The following CTNNA2 variants were observed in gnomAD, a reference collection of about 807,000 sequenced individuals.
The protein encoded by CTNNA2 is catenin alpha-2.
CTNNA2 carries 42 observed loss-of-function variants against 101.0 expected under a neutral mutation model. The observed-to-expected ratio is 0.42, with a 90% CI of 0.32 to 0.54. The LOEUF (loss-of-function observed/expected upper bound fraction) is 0.54, where lower values mean the gene tolerates loss of function less well. Among genes scored for constraint, CTNNA2 ranks in the 20% least tolerant of loss-of-function variants. The pLI, the probability that CTNNA2 is intolerant of heterozygous loss-of-function variation, is 0.14. For missense variants in CTNNA2, 871 were observed against 1,223.1 expected, an observed-to-expected ratio of 0.71 and a Z score of 4.29; for synonymous variants, 450 against 456.4, an observed-to-expected ratio of 0.99 and a Z score of 0.18.
rs564797004 is a variant in CTNNA2 at position 79,442,663 on chromosome 2, A to G, written c.-134-62391A>G. ...AGGCAAATATATAATAAAATCACCA[A>G]TTCCTTTCTTTTTTACCCTGATTAT... On this transcript the variant is annotated intron_variant, in intron 4 of 21. Transcript: ENST00000466387. 5.3e-4 allele frequency among the ~76,000 whole-genome samples: 80 copies of G among 152,276 alleles called. No individual in the cohort carries two copies. In the South Asian group the frequency reaches 0.013, roughly 24 times the overall value.
intron 7 of CTNNA2, among the ~76,000 whole-genome samples, chr2:80,061,297 G>A (rs1226191135): frequency 6.6e-6 from 1 of 152,062 alleles, no homozygotes; most frequent in African/African-American, 2.4e-5. Flanking sequence ...GATTATATAA[G>A]AATATAATGA....
chr2:80,110,628 A>T (rs1266305940), intron 7 of CTNNA2, among the ~76,000 whole-genome samples: 1 of 152,254 alleles, frequency 6.6e-6, no homozygotes, highest in African/African-American at 2.4e-5. Context: ...TAGGTGAGAG[A>T]AAAAATACTG....
intron 2 of CTNNA2, among the ~76,000 whole-genome samples, chr2:79,263,014 A>G (rs369264262): frequency 5.9e-5 from 9 of 152,202 alleles, no homozygotes; most frequent in African/African-American, 2.2e-4. Context: ...TTACATTTTT[A>G]AAAATTAAAA....
intron 2 of CTNNA2, among the ~76,000 whole-genome samples, chr2:79,305,335 C>CATAT (rs1404069501): frequency 2.1e-5 from 3 of 145,084 alleles, no homozygotes; most frequent in East Asian, 4.0e-4. Context: ...TACATATATA[C>CATAT]ATATATACAT....
At chr2:80,393,888 A>C (rs1417125923) in intron 8 of CTNNA2, among the ~76,000 whole-genome samples, 2 of 152,306 alleles carry the variant, frequency 1.3e-5, no homozygotes, top group Non-Finnish European at 2.9e-5. Flanking sequence ...TCTCCTTGAA[A>C]GTGTTGTATG....
intron 2 of CTNNA2, among the ~76,000 whole-genome samples, chr2:79,719,788 A>G (rs1215470625): frequency 6.6e-6 from 1 of 152,134 alleles, no homozygotes; most frequent in African/African-American, 2.4e-5. Flanking sequence ...TATTCTGGAT[A>G]CTAGACCTTT....
At chr2:80,356,488 A>G (rs1274279756) in intron 7 of CTNNA2, among the ~76,000 whole-genome samples, 1 of 152,126 alleles carries the variant, frequency 6.6e-6, no homozygotes, top group Non-Finnish European at 1.5e-5. Context: ...TCATCCAATA[A>G]TAAACATTTA....
intron 2 of CTNNA2, among the ~76,000 whole-genome samples, chr2:79,740,788 A>G (rs1671237114): frequency 6.6e-6 from 1 of 152,184 alleles, no homozygotes; most frequent in East Asian, 1.9e-4. Flanking sequence ...CACAACAACA[A>G]TTCAGCCTTT....
chr2:79,703,161 G>A (rs1331668796), intron 2 of CTNNA2, among the ~76,000 whole-genome samples: 4 of 152,178 alleles, frequency 2.6e-5, no homozygotes, highest in African/African-American at 9.7e-5. Flanking sequence ...TTAGCAGAGA[G>A]GCTTTTTTCT....
chr2:79,343,984 G>T (rs796922462), intron 3 of CTNNA2, among the ~76,000 whole-genome samples: 1 of 152,106 alleles, frequency 6.6e-6, no homozygotes, highest in African/African-American at 2.4e-5. Context: ...CAAAACCAAT[G>T]AGGCTCCTGG....
intron 17 of CTNNA2, among the ~76,000 whole-genome samples, chr2:80,613,259 A>G (rs988357461): frequency 8.6e-5 from 13 of 151,570 alleles, no homozygotes; most frequent in African/African-American, 3.1e-4. Context: ...TCATACCAGT[A>G]TGAATGGTCA....
intron 7 of CTNNA2, among the ~76,000 whole-genome samples, chr2:80,112,595 A>G (rs1458379280): frequency 6.6e-6 from 1 of 152,178 alleles, no homozygotes; most frequent in Non-Finnish European, 1.5e-5. Flanking sequence ...TTCAGAACAG[A>G]TAAACTTTAA....
At chr2:79,695,174 AT>A (rs1273301242) in intron 2 of CTNNA2, among the ~76,000 whole-genome samples, 1 of 151,706 alleles carries the variant, frequency 6.6e-6, no homozygotes, top group African/African-American at 2.4e-5. Flanking sequence ...AAGGTCATGG[AT>A]TTATTTGCAT....
chr2:79,299,454 C>T (rs944957889), intron 2 of CTNNA2, among the ~76,000 whole-genome samples: 1 of 152,192 alleles, frequency 6.6e-6, no homozygotes. Context: ...AAGCATTGTA[C>T]AGGTTAATTG....
chr2:80,342,641 A>T (rs771225757), intron 7 of CTNNA2, among the ~76,000 whole-genome samples: 17 of 152,304 alleles, frequency 1.1e-4, no homozygotes, highest in East Asian at 3.9e-4. Flanking sequence ...AATTTTTTTT[A>T]AAATCTTTCT....
Position 79,927,913 on chromosome 2 carries a change from G to A in CTNNA2, c.1056+18116G>A, listed in dbSNP as rs556851466. 4.6e-5 allele frequency among the ~76,000 whole-genome samples: 7 copies of A among 152,226 alleles called. No homozygotes were observed. The South Asian group carries it at 6.2e-4, about 14-fold the overall frequency. On this transcript the variant is annotated intron_variant, in intron 7 of 18. Transcript: ENST00000402739. ...ATATCATGGCCTAGTGGACAGGCCA[G>A]TATCTGCCTCTTTGGTGGTCATTTT... is the stretch of plus-strand genomic sequence containing the variant.
chr2:80,109,035 G>A (rs911616459), intron 7 of CTNNA2, among the ~76,000 whole-genome samples: 1 of 152,192 alleles, frequency 6.6e-6, no homozygotes, highest in East Asian at 1.9e-4. Flanking sequence ...TGCCTCCACC[G>A]ACTGGGACCC....
intron 9 of CTNNA2, among the ~76,000 whole-genome samples, chr2:80,517,009 C>A (rs1172842546): frequency 6.6e-6 from 1 of 152,064 alleles, no homozygotes; most frequent in Non-Finnish European, 1.5e-5. Flanking sequence ...CTCACCCCAC[C>A]CCTCCCCAGA....
rs898192137 is a variant in CTNNA2 at position 80,156,771 on chromosome 2, G to C, written c.1057-236440G>C. 3.1e-4 allele frequency among the ~76,000 whole-genome samples: 47 copies of C among 152,240 alleles called. 1 individual carries two copies. On this transcript the variant is annotated intron_variant, in intron 7 of 18. Transcript: ENST00000402739. ...CTGATGAGGGGCACATCTGTGAACA[G>C]CTGCCTAGTTGTGGTGATCCCTTTG...
Sources: allele counts gnomAD v4.1 joint callset (sites outside exome capture counted in the v4.1 genomes callset), GRCh38; gene constraint gnomAD v4.1.1; transcripts MANE v1.5; gene names NCBI Gene and HGNC (gene_info 2026-07-23, HGNC 2026-07-21).